NOS1: variants seen among roughly 807,000 people sequenced by gnomAD.
NOS1 encodes nitric oxide synthase 1.
Under a neutral mutation model 164.5 loss-of-function variants are expected in NOS1, and 51 were observed. The ratio of observed to expected loss-of-function variants is 0.31; its 90% CI spans 0.25 to 0.39. The LOEUF is 0.39. Among genes scored for constraint, NOS1 ranks in the 10% least tolerant of loss-of-function variants. The pLI is 1.00. For synonymous variants in NOS1, 719 were observed against 745.8 expected, an observed-to-expected ratio of 0.96 and a Z score of 0.59; for missense variants, 1,362 against 1,885.6, an observed-to-expected ratio of 0.72 and a Z score of 5.14.
At chr12:117,350,971 G>A (rs568129950) in intron 1 of NOS1, among the ~76,000 whole-genome samples, 13 of 152,228 alleles carry the variant, frequency 8.5e-5, no homozygotes, top group African/African-American at 2.2e-4. Flanking sequence ...AAAATTAGCC[G>A]GGCCTGTTGG....
At chr12:117,253,527 A>T in intron 17 of NOS1, 111 bp downstream of exon 17, 1 of 735,736 alleles carries the variant, frequency 1.4e-6, no homozygotes, top group Non-Finnish European at 2.3e-6. Flanking sequence ...GTTTTATGAG[A>T]AATGAATGGA....
chr12:117,319,889 A>G (rs9658286), intron 2 of NOS1, among the ~76,000 whole-genome samples: 1 of 152,086 alleles, frequency 6.6e-6, no homozygotes, highest in African/African-American at 2.4e-5. Flanking sequence ...GAACCTGAAC[A>G]CTAGTTCTAG....
chr12:117,259,001 T>C (rs748618378), intron 15 of NOS1, 25 bp downstream of exon 15: 54 of 1,549,996 alleles, frequency 3.5e-5, no homozygotes, highest in Non-Finnish European at 4.5e-5. Context: ...AACCACACTC[T>C]TGAACAGGTA....
At position 117,217,912 on chromosome 12, in the gene NOS1, T is replaced by G. The variant is rs1592919989; in HGVS notation, c.4289+134A>C. 4 of 704,902 alleles carry G rather than the reference T, an allele frequency of 5.7e-6. No individual in the cohort carries two copies. In the African/African-American group the frequency reaches 7.1e-5, roughly 13 times the overall value. 43.7% of individuals were successfully genotyped at this position (704,902 alleles called of 1,614,324 possible). A position where few individuals can be genotyped will look rare whatever the true frequency, so the allele number is the denominator to read the frequency against. ...CTGGGGTGGTCTGGGAATTTGCATTTTGAACACGTTCCCAGATGGTGCTGA... is the reference window on the plus strand; with the variant it reads ...CTGGGGTGGTCTGGGAATTTGCATTGTGAACACGTTCCCAGATGGTGCTGA... On this transcript the variant is annotated intron_variant, in intron 28 of 28. Coordinates refer to ENST00000317775, the MANE Select transcript of NOS1 (RefSeq NM_000620.5).
intron 22 of NOS1, among the ~76,000 whole-genome samples, chr12:117,228,080 A>G (rs932397972): frequency 2.0e-5 from 3 of 151,980 alleles, no homozygotes; most frequent in African/African-American, 7.3e-5. Context: ...AGAAGGAAGG[A>G]AGGAGAAGGA....
chr12:117,255,987 T>C lies in NOS1; in HGVS notation c.2532-2233A>G, dbSNP rs149484022. The C allele has an allele frequency of 1.1e-3, 1,636 of 1,478,752 alleles. 12 individuals are homozygous for C. In the African/African-American group the frequency reaches 0.02, roughly 18 times the overall value. 91.6% of individuals were successfully genotyped at this position (1,478,752 alleles called of 1,614,324 possible). On this transcript the variant is annotated intron_variant, in intron 16 of 28. Transcript: ENST00000317775. The stretch of plus-strand genomic sequence containing the variant: ...CAGACCGTGGACTTCTGTGTCACCA[T>C]TGGGGAGGGGAGGCCCTTTACGGGG...
chr12:117,271,876 G>A (rs547298654), intron 10 of NOS1, among the ~76,000 whole-genome samples: 4 of 152,320 alleles, frequency 2.6e-5, no homozygotes, highest in African/African-American at 4.8e-5. Flanking sequence ...TGCTTAGAGT[G>A]GGGAACCACT....
At chr12:117,275,130 T>C (rs1227889431) in intron 9 of NOS1, among the ~76,000 whole-genome samples, 1 of 152,156 alleles carries the variant, frequency 6.6e-6, no homozygotes, top group Non-Finnish European at 1.5e-5. Context: ...AAACGTCTTA[T>C]GTACCGCATA....
chr12:117,256,284 G>GTTTTT lies in NOS1; in HGVS notation c.2531+2108_2531+2112dup, dbSNP rs57047376. Among the ~76,000 whole-genome samples, 9 of 118,444 alleles carry GTTTTT rather than the reference G, an allele frequency of 7.6e-5. 2 individuals are homozygous for GTTTTT. Among genetic ancestry groups the GTTTTT allele is most frequent in the East Asian group, 2.6e-4 (1 of 3,826 alleles). 77.7% of individuals were successfully genotyped at this position (118,444 alleles called of 152,430 possible). On this transcript the variant is annotated intron_variant, in intron 16 of 28. Coordinates refer to ENST00000317775, the MANE Select transcript of NOS1 (RefSeq NM_000620.5). The stretch of plus-strand genomic sequence containing the variant: ...CAAAGAAAATCAGAAGGGATTTTCT[G>GTTTTT]TTTTTTTTTTTTGAGACGGAGTCTC...
Position 117,331,028 on chromosome 12 carries a change from A to T in NOS1, c.42T>A (p.Asn14Lys). ...HMFGVQQIQP[N>K]VISVRLFKRK... ...GCTTGAAGAGACGAACAGAAATGAC[A>T]TTGGGCTGGATTTGCTGAACACCGA... is the stretch of plus-strand genomic sequence containing the variant. Residue 14 changes from asparagine to lysine, a missense_variant, in exon 2 of 29, where the codon AAT becomes AAA. Physicochemically the swap from Asn to Lys is moderately conservative, Grantham distance 94. Around this residue, in one of 4 missense-constraint regions of NOS1, gnomAD observed 362 missense variants for 402.0 expected, o/e 0.90. Coordinates refer to ENST00000317775, the MANE Select transcript of NOS1 (RefSeq NM_000620.5). 1 of 1,613,792 alleles carries T rather than the reference A, an allele frequency of 6.2e-7. No individual in the cohort carries two copies. The highest frequency in any genetic ancestry group is 8.5e-7 in the Non-Finnish European group (1 of 1,179,776).
chr12:117,309,999 C>T (rs970896253), intron 3 of NOS1, among the ~76,000 whole-genome samples: 1 of 152,112 alleles, frequency 6.6e-6, no homozygotes, highest in Non-Finnish European at 1.5e-5. Flanking sequence ...CTTGACCTTC[C>T]AGGCTCAGGT....
chr12:117,284,105 C>T (rs759659491), intron 7 of NOS1, among the ~76,000 whole-genome samples: 21 of 152,214 alleles, frequency 1.4e-4, no homozygotes, highest in Non-Finnish European at 2.8e-4. Flanking sequence ...TTCCTTCTTA[C>T]GGAAGAGAAG....
intron 27 of NOS1, 142 bp from the exon 28 acceptor site, chr12:117,218,306 G>A (rs9658544): frequency 0.014 from 10,145 of 707,788 alleles, 453 homozygotes; most frequent in African/African-American, 0.11. Flanking sequence ...CAGTGTCCCC[G>A]AGGTACCTTT....
chr12:117,219,658 G>A (rs1467227802), intron 27 of NOS1, among the ~76,000 whole-genome samples: 1 of 152,052 alleles, frequency 6.6e-6, no homozygotes, highest in Non-Finnish European at 1.5e-5. Context: ...CTTTAAAAGT[G>A]TGTCTAGAGG....
At chr12:117,216,793 C>T (rs1956618465) in intron 28 of NOS1, among the ~76,000 whole-genome samples, 1 of 152,138 alleles carries the variant, frequency 6.6e-6, no homozygotes, top group South Asian at 2.1e-4. Flanking sequence ...AGGCTTTTGA[C>T]AACCCAGGGA....
At chr12:117,218,280 G>C (rs1411554890) in intron 27 of NOS1, 116 bp from the exon 28 acceptor site, 1 of 788,384 alleles carries the variant, frequency 1.3e-6, no homozygotes, top group Non-Finnish European at 2.2e-6. Flanking sequence ...GGTTCCCAAA[G>C]AGATGAGGCT....
intron 20 of NOS1, among the ~76,000 whole-genome samples, chr12:117,240,941 CTTT>C (rs11398507): frequency 6.5e-5 from 9 of 138,944 alleles, no homozygotes; most frequent in Admixed American, 1.5e-4. Flanking sequence ...TTTTCTTTTT[CTTT>C]TTTTTTTTTT....
intron 20 of NOS1, among the ~76,000 whole-genome samples, chr12:117,239,186 G>A (rs1191410663): frequency 2.6e-5 from 4 of 152,156 alleles, no homozygotes; most frequent in Non-Finnish European, 5.9e-5. Context: ...TTTACTTGAC[G>A]GGGGATGAGA....
At chr12:117,318,211 G>C (rs1593018448) in intron 2 of NOS1, among the ~76,000 whole-genome samples, 1 of 152,080 alleles carries the variant, frequency 6.6e-6, no homozygotes, top group East Asian at 1.9e-4. Flanking sequence ...TCTCCTCCTA[G>C]AGAGTTTGAG....
Sources: gnomAD v4.1 joint callset for allele counts (sites outside exome capture counted in the v4.1 genomes callset) on GRCh38, gnomAD v4.1.1 for gene constraint, gnomAD v4.1.1 regional missense constraint, MANE v1.5 for transcripts, NCBI Gene and HGNC (gene_info 2026-07-23, HGNC 2026-07-21) for gene names.